Variants in ARAP2 observed in about 807,000 individuals in gnomAD.
ARAP2 encodes the protein ArfGAP with RhoGAP domain, ankyrin repeat and PH domain 2.
A neutral mutation model predicts 194.5 loss-of-function variants in ARAP2; 148 were observed. That is an observed-to-expected ratio of 0.76 (90% CI 0.67 to 0.87). The LOEUF (loss-of-function observed/expected upper bound fraction) is 0.87, where lower values mean the gene tolerates loss of function less well. ARAP2 is among the 40% of genes least tolerant of loss of function. The pLI, the probability that ARAP2 is intolerant of heterozygous loss-of-function variation, is 0.00. For synonymous variants in ARAP2, 695 were observed against 683.5 expected, an observed-to-expected ratio of 1.02 and a Z score of -0.26; for missense variants, 2,128 against 1,989.7, an observed-to-expected ratio of 1.07 and a Z score of -1.32.
At chr4:36,024,581 A>G (rs1717578059) in intron 5 of ARAP2, among the ~76,000 whole-genome samples, 1 of 152,162 alleles carries the variant, frequency 6.6e-6, no homozygotes, top group African/African-American at 2.4e-5. Flanking sequence ...ACTTGAATCC[A>G]GTTGTACTAG....
At chr4:36,069,611 T>C (rs1047193756) in intron 32 of ARAP2, among the ~76,000 whole-genome samples, 3 of 152,214 alleles carry the variant, frequency 2.0e-5, no homozygotes, top group Non-Finnish European at 4.4e-5. Flanking sequence ...AGAGAGGTTT[T>C]ATATATCAGA....
At chr4:36,146,308 A>G (rs2109696390) in intron 19 of ARAP2, among the ~76,000 whole-genome samples, 1 of 152,204 alleles carries the variant, frequency 6.6e-6, no homozygotes, top group South Asian at 2.1e-4. Flanking sequence ...CTGGAGTCAG[A>G]GTAATCCTGT....
intron 8 of ARAP2, among the ~76,000 whole-genome samples, chr4:36,180,241 C>T (rs1738916716): frequency 1.3e-5 from 2 of 152,028 alleles, no homozygotes; most frequent in Non-Finnish European, 2.9e-5. Context: ...CACTGCACTC[C>T]AGCCTGGGCA....
intron 5 of ARAP2, among the ~76,000 whole-genome samples, chr4:36,028,090 T>C (rs1417275610): frequency 2.6e-5 from 4 of 152,228 alleles, no homozygotes; most frequent in African/African-American, 9.6e-5. Context: ...GTGTATTTAT[T>C]ATGTTTTGAA....
chr4:36,175,185 A>AATAGATTT (rs1737584385), intron 9 of ARAP2, among the ~76,000 whole-genome samples: 1 of 152,228 alleles, frequency 6.6e-6, no homozygotes, highest in Admixed American at 6.5e-5. Flanking sequence ...TTTTATGATG[A>AATAGATTT]ATAGATTTTT....
At chr4:36,088,788 A>C (rs999801381) in intron 28 of ARAP2, among the ~76,000 whole-genome samples, 2 of 152,114 alleles carry the variant, frequency 1.3e-5, no homozygotes, top group Non-Finnish European at 2.9e-5. Flanking sequence ...CAAGACAGCC[A>C]CAGCTTTGGA....
intron 11 of ARAP2, among the ~76,000 whole-genome samples, chr4:36,161,801 A>C (rs1364836454): frequency 1.2e-3 from 10 of 8,570 alleles, no homozygotes; most frequent in Non-Finnish European, 2.6e-3. Context: ...GACAAAAAAA[A>C]AAAAAAAAAA....
chr4:36,140,919 T>C (rs1728167841), intron 19 of ARAP2, among the ~76,000 whole-genome samples: 1 of 151,656 alleles, frequency 6.6e-6, no homozygotes, highest in Admixed American at 6.6e-5. Flanking sequence ...CCTTTTCTGT[T>C]TCTGATAACA....
At chr4:36,176,210 T>G (rs1737872577) in intron 9 of ARAP2, among the ~76,000 whole-genome samples, 3 of 139,806 alleles carry the variant, frequency 2.1e-5, no homozygotes, top group Non-Finnish European at 4.6e-5. Flanking sequence ...GACCTATTAC[T>G]TAATCCTCAT....
At chr4:36,135,050 G>A (rs1256179412) in intron 19 of ARAP2, among the ~76,000 whole-genome samples, 1 of 151,636 alleles carries the variant, frequency 6.6e-6, no homozygotes, top group African/African-American at 2.4e-5. Context: ...GGCATTTAGT[G>A]GATACATAGC....
At chr4:36,143,594 C>T (rs1047868677) in intron 19 of ARAP2, among the ~76,000 whole-genome samples, 5 of 151,676 alleles carry the variant, frequency 3.3e-5, no homozygotes, top group Non-Finnish European at 7.4e-5. Flanking sequence ...TAACTGCCCC[C>T]ATTGTCATCA....
intron 6 of ARAP2, among the ~76,000 whole-genome samples, chr4:36,200,175 C>T (rs1262241313): frequency 6.6e-6 from 1 of 152,074 alleles, no homozygotes; most frequent in Non-Finnish European, 1.5e-5. Flanking sequence ...ATACTGAATT[C>T]CAATAATTAG....
chr4:36,031,743 A>T (rs918840219), intron 5 of ARAP2, among the ~76,000 whole-genome samples: 1 of 150,600 alleles, frequency 6.6e-6, no homozygotes, highest in East Asian at 1.9e-4. Context: ...ATCTTGGCTC[A>T]CTGCAACCTC....
rs145339072 is a variant in ARAP2, at chr4:36,040,862, T to C, written n.607+5117A>G. Among the ~76,000 whole-genome samples, 1,064 of 152,326 alleles carry C rather than the reference T, an allele frequency of 7.0e-3. 11 individuals carry two copies. The highest frequency in any genetic ancestry group is 0.023 in the African/African-American group (948 of 41,582). On this transcript the variant is annotated intron_variant and non_coding_transcript_variant, in intron 5 of 12. Transcript: ENST00000503225. ...CTTGCCTGATTGCTCTGGCTACAACTTCCAATACTATGTTGTATAGGAGTG... is the reference window on the plus strand; with the variant it reads ...CTTGCCTGATTGCTCTGGCTACAACCTCCAATACTATGTTGTATAGGAGTG...
In ARAP2 at chr4:36,148,483, G is replaced by A; in HGVS notation, c.2922C>T (p.Tyr974=). 6.2e-7 allele frequency: 1 copy of A among 1,613,014 alleles called. No homozygotes were observed. Among genetic ancestry groups the A allele is most frequent in the Non-Finnish European group, 8.5e-7 (1 of 1,179,340 alleles). The change falls in exon 17 of 33, where the codon TAC becomes TAT. Residue 974 remains tyrosine, a synonymous_variant. Coordinates refer to ENST00000303965, the MANE Select transcript of ARAP2 (RefSeq NM_015230.4). ...ATAAAAACACACGTTCGGAGGGTAA[G>A]TAGATCTCAAAGATAAAGATGGGCC... ...NTGPIFIFEI[Y]LPSERVFLFG...
rs1402287446 is a variant in ARAP2 at position 36,200,404 on chromosome 4, C to T, written c.1488-6757G>A. ...CTGAGTAGCTGGGATTACGGGCATG[C>T]ACCACCATGCCCAGCTAATTTTGTA... On this transcript the variant is annotated intron_variant, in intron 6 of 32. Coordinates refer to ENST00000303965, the MANE Select transcript of ARAP2 (RefSeq NM_015230.4). Among the ~76,000 whole-genome samples, 5 of 152,110 alleles carry T rather than the reference C, an allele frequency of 3.3e-5. No individual in the cohort carries two copies. In the East Asian group the frequency reaches 9.7e-4, roughly 29 times the overall value.
intron 5 of ARAP2, among the ~76,000 whole-genome samples, chr4:36,031,921 G>A (rs1412834986): frequency 3.3e-5 from 5 of 151,916 alleles, no homozygotes; most frequent in Admixed American, 3.3e-4. Context: ...CACCCACCTC[G>A]GCCTCCCAAA....
intron 19 of ARAP2, among the ~76,000 whole-genome samples, chr4:36,138,161 C>G (rs923162888): frequency 6.6e-6 from 1 of 151,606 alleles, no homozygotes; most frequent in Non-Finnish European, 1.5e-5. Context: ...TCCAAATAAG[C>G]TTTTGGGTTT....
intron 4 of ARAP2, 77 bp from the exon 5 acceptor site, chr4:36,212,564 ATAT>A (rs1014243077): frequency 3.3e-6 from 3 of 900,716 alleles, no homozygotes; most frequent in Non-Finnish European, 5.2e-6. Context: ...ATGTGTAGCA[ATAT>A]TCTACAAAAA....
Sources: allele counts gnomAD v4.1 joint callset (sites outside exome capture counted in the v4.1 genomes callset), GRCh38; gene constraint gnomAD v4.1.1; transcripts MANE v1.5; gene names NCBI Gene and HGNC (gene_info 2026-07-23, HGNC 2026-07-21).